The following KCNQ5 variants were observed in gnomAD, a reference collection of about 807,000 sequenced individuals.
The protein encoded by KCNQ5 is potassium voltage-gated channel subfamily Q member 5.
Under a neutral mutation model 98.2 loss-of-function variants are expected in KCNQ5, and 30 were observed. The ratio of observed to expected loss-of-function variants is 0.31; its 90% CI spans 0.23 to 0.41. The LOEUF is 0.41. KCNQ5 is among the 10% of genes least tolerant of loss of function. The pLI is 1.00. For missense variants in KCNQ5, 835 were observed against 1,182.5 expected (o/e 0.71, Z 4.31); for synonymous variants, 458 against 449.4 (o/e 1.02, Z -0.24).
At position 73,124,475 on chromosome 6, in the gene KCNQ5, C is replaced by T. The variant is rs376697820; in HGVS notation, c.1221-11C>T. ...TATCATCATTTCTCTTCTGCCTGCA[C>T]GCACCTGAAGGAAAGAACAAGGGGA... On this transcript the variant is annotated splice_polypyrimidine_tract_variant and intron_variant, in intron 8 of 13. Coordinates refer to ENST00000370398, the MANE Select transcript of KCNQ5 (RefSeq NM_019842.4). 2.4e-5 allele frequency: 38 copies of T among 1,612,798 alleles called. No homozygotes were observed. Among genetic ancestry groups the T allele is most frequent in the Admixed American group, 8.3e-5 (5 of 59,892 alleles).
chr6:72,851,146 T>C (rs1056767627), intron 1 of KCNQ5, among the ~76,000 whole-genome samples: 6 of 152,224 alleles, frequency 3.9e-5, no homozygotes, highest in African/African-American at 1.2e-4. Context: ...GGTATTGTTA[T>C]AACCTTTTCA....
intron 1 of KCNQ5, among the ~76,000 whole-genome samples, chr6:72,752,421 CA>C (rs1561960537): frequency 6.6e-6 from 1 of 152,020 alleles, no homozygotes; most frequent in African/African-American, 2.4e-5. Context: ...GAAGTTTAGG[CA>C]AAGAAAACAG....
At position 72,638,483 on chromosome 6, in the gene KCNQ5, G is replaced by A. The variant is rs1236205278; in HGVS notation, c.398+15896G>A. On this transcript the variant is annotated intron_variant, in intron 1 of 13. Coordinates refer to ENST00000370398, the MANE Select transcript of KCNQ5 (RefSeq NM_019842.4). ...TTTATAGATGGCGCTAAGTGAGGTA[G>A]CCTAGACAACCATAAATAAGAATAA... Among the ~76,000 whole-genome samples the A allele has an allele frequency of 2.0e-5, 3 of 152,166 alleles. No homozygotes were observed. In the East Asian group the frequency reaches 5.8e-4, roughly 29 times the overall value.
chr6:72,893,392 C>G (rs1006553165), intron 1 of KCNQ5, among the ~76,000 whole-genome samples: 1 of 152,036 alleles, frequency 6.6e-6, no homozygotes, highest in Non-Finnish European at 1.5e-5. Flanking sequence ...TGACAATGGG[C>G]AGGAAACCTG....
intron 10 of KCNQ5, among the ~76,000 whole-genome samples, chr6:73,150,602 A>G (rs1186464080): frequency 1.3e-5 from 2 of 150,238 alleles, no homozygotes; most frequent in African/African-American, 2.4e-5. Flanking sequence ...CCTTTTGTCT[A>G]TTGAAAAGTT....
intron 5 of KCNQ5, among the ~76,000 whole-genome samples, chr6:73,089,353 G>A (rs150524857): frequency 5.8e-4 from 89 of 152,150 alleles, no homozygotes; most frequent in Middle Eastern, 3.4e-3. Flanking sequence ...GTTGATTTTC[G>A]TGGGGTTTTG....
chr6:73,061,147 CTG>C (rs1772762522), intron 3 of KCNQ5, among the ~76,000 whole-genome samples: 1 of 152,050 alleles, frequency 6.6e-6, no homozygotes, highest in African/African-American at 2.4e-5. Context: ...AAATGTAATA[CTG>C]CATATATAGT....
At chr6:73,130,900 C>T (rs1776207159) in intron 9 of KCNQ5, among the ~76,000 whole-genome samples, 1 of 152,116 alleles carries the variant, frequency 6.6e-6, no homozygotes. Flanking sequence ...GAAAACATTA[C>T]ATTTTTTCTA....
At chr6:72,983,154 G>A (rs763935299) in intron 1 of KCNQ5, among the ~76,000 whole-genome samples, 2 of 152,100 alleles carry the variant, frequency 1.3e-5, no homozygotes, top group Non-Finnish European at 2.9e-5. Flanking sequence ...GTGTCTTGGG[G>A]TTGTTCTTCT....
At chr6:72,867,790 C>G (rs1464605990) in intron 1 of KCNQ5, among the ~76,000 whole-genome samples, 1 of 151,596 alleles carries the variant, frequency 6.6e-6, no homozygotes, top group East Asian at 1.9e-4. Context: ...AAAAAATTAA[C>G]CAAGTACAGT....
chr6:72,838,207 A>G (rs1476462599), intron 1 of KCNQ5, among the ~76,000 whole-genome samples: 3 of 149,912 alleles, frequency 2.0e-5, no homozygotes, highest in Admixed American at 1.3e-4. Context: ...TAGGATATCA[A>G]TGTCCGAGAC....
intron 1 of KCNQ5, chr6:72,640,803 T>C (rs970716708): frequency 1.3e-4 from 20 of 152,172 alleles, no homozygotes; most frequent in African/African-American, 4.8e-4. Context: ...CCAGCATTGG[T>C]GGTCAATCCT....
At chr6:72,768,392 T>G (rs1475800608) in intron 1 of KCNQ5, among the ~76,000 whole-genome samples, 1 of 151,978 alleles carries the variant, frequency 6.6e-6, no homozygotes, top group African/African-American at 2.4e-5. Flanking sequence ...TCTGATAGCT[T>G]CTTCAAGAAA....
chr6:72,808,353 A>G (rs998614818), intron 1 of KCNQ5, among the ~76,000 whole-genome samples: 1 of 152,192 alleles, frequency 6.6e-6, no homozygotes, highest in Non-Finnish European at 1.5e-5. Flanking sequence ...AAGTTGATTT[A>G]TTTTTGTATG....
chr6:73,087,728 G>GA (rs1437513581), intron 5 of KCNQ5, among the ~76,000 whole-genome samples: 1 of 152,130 alleles, frequency 6.6e-6, no homozygotes, highest in African/African-American at 2.4e-5. Context: ...AGGAGCCACA[G>GA]AAAAAGAGCC....
chr6:72,650,243 C>A (rs1582046625), intron 1 of KCNQ5, among the ~76,000 whole-genome samples: 1 of 152,048 alleles, frequency 6.6e-6, no homozygotes, highest in African/African-American at 2.4e-5. Context: ...AACTGGCTGA[C>A]TAGCTAAAGT....
intron 1 of KCNQ5, among the ~76,000 whole-genome samples, chr6:72,919,658 A>G (rs1780305092): frequency 6.6e-6 from 1 of 152,176 alleles, no homozygotes; most frequent in Non-Finnish European, 1.5e-5. Context: ...TTCTGAAAAA[A>G]AAATTAATCA....
At chr6:73,143,001 T>A (rs758933893) in intron 10 of KCNQ5, among the ~76,000 whole-genome samples, 1 of 152,176 alleles carries the variant, frequency 6.6e-6, no homozygotes, top group Non-Finnish European at 1.5e-5. Context: ...CTAACGCAGC[T>A]CTCTTTCTTG....
chr6:73,044,004 T>C (rs1050032470), intron 3 of KCNQ5, among the ~76,000 whole-genome samples: 1 of 152,168 alleles, frequency 6.6e-6, no homozygotes, highest in Non-Finnish European at 1.5e-5. Context: ...TTTAGTATGA[T>C]GCCTGGCGCA....
Sources: gnomAD v4.1 joint callset for allele counts (sites outside exome capture counted in the v4.1 genomes callset) on GRCh38, gnomAD v4.1.1 for gene constraint, MANE v1.5 for transcripts, NCBI Gene and HGNC (gene_info 2026-07-23, HGNC 2026-07-21) for gene names.